Variants in TRPM3 observed in about 807,000 individuals in gnomAD.
TRPM3 encodes the protein long transient receptor potential channel 3.
TRPM3 carries 77 observed loss-of-function variants against 181.2 expected under a neutral mutation model. The observed-to-expected ratio is 0.42, with a 90% confidence interval of 0.35 to 0.51. TRPM3 has a LOEUF of 0.51. Ranked by LOEUF, TRPM3 falls within the 20% of genes least tolerant of loss-of-function variation. TRPM3 has a pLI of 0.01. For missense variants in TRPM3, 1,759 were observed against 2,196.7 expected (o/e 0.80, Z 3.98); for synonymous variants, 745 against 796.4 (o/e 0.94, Z 1.09).
At chr9:71,174,933 T>G (rs974130905) in intron 1 of TRPM3, among the ~76,000 whole-genome samples, 1 of 152,056 alleles carries the variant, frequency 6.6e-6, no homozygotes, top group Non-Finnish European at 1.5e-5. Flanking sequence ...TCTTTAAAAG[T>G]AGAAGAGGAG....
intron 1 of TRPM3, among the ~76,000 whole-genome samples, chr9:71,093,687 C>T (rs903541770): frequency 6.6e-6 from 1 of 152,060 alleles, no homozygotes; most frequent in Non-Finnish European, 1.5e-5. Flanking sequence ...GGCGATTCCT[C>T]GAGGATCTAG....
intron 1 of TRPM3, among the ~76,000 whole-genome samples, chr9:71,406,741 T>C (rs574345792): frequency 6.6e-5 from 10 of 152,270 alleles, no homozygotes; most frequent in Non-Finnish European, 1.3e-4. Context: ...GCAGTTTCCA[T>C]TGGATTAGGA....
intron 1 of TRPM3, among the ~76,000 whole-genome samples, chr9:70,986,785 G>T (rs2097426322): frequency 6.6e-6 from 1 of 152,040 alleles, no homozygotes; most frequent in East Asian, 1.9e-4. Flanking sequence ...TTAGATCTCT[G>T]GTATCAGAAA....
intron 3 of TRPM3, among the ~76,000 whole-genome samples, chr9:70,855,062 G>T (rs1306473212): frequency 6.6e-6 from 1 of 152,192 alleles, no homozygotes; most frequent in Non-Finnish European, 1.5e-5. Flanking sequence ...GGTGCTAAAG[G>T]TCTTTTTGCT....
intron 1 of TRPM3, among the ~76,000 whole-genome samples, chr9:71,242,263 G>A (rs1347349789): frequency 6.6e-6 from 1 of 152,164 alleles, no homozygotes; most frequent in African/African-American, 2.4e-5. Context: ...CGCAGATGTG[G>A]TTTCTTCACT....
At chr9:71,282,332 GAGAGAAAGAAAGAAAAGAAAGAAAGA>G (rs1319863141) in intron 1 of TRPM3, among the ~76,000 whole-genome samples, 2 of 102,344 alleles carry the variant, frequency 2.0e-5, no homozygotes, top group African/African-American at 9.9e-5. Context: ...AGGAAAGAAA[GAGAGAAAGAAAGAAAAGAAAGAAAGA>G]AAAAGAAAGA....
intron 1 of TRPM3, among the ~76,000 whole-genome samples, chr9:70,937,795 T>C (rs2096843518): frequency 1.3e-5 from 2 of 150,782 alleles, no homozygotes; most frequent in South Asian, 4.2e-4. Flanking sequence ...ATGACACTCA[T>C]AGTCCTGTGT....
chr9:71,138,169 T>A (rs371562760), intron 1 of TRPM3, among the ~76,000 whole-genome samples: 1 of 151,998 alleles, frequency 6.6e-6, no homozygotes, highest in Non-Finnish European at 1.5e-5. Context: ...GAGGAAGTAT[T>A]AGAAATCAAG....
intron 8 of TRPM3, among the ~76,000 whole-genome samples, chr9:70,697,044 C>G (rs1387720706): frequency 6.6e-6 from 1 of 151,992 alleles, no homozygotes; most frequent in African/African-American, 2.4e-5. Flanking sequence ...TTTCTAGGGC[C>G]ACTCGAGAAG....
intron 1 of TRPM3, among the ~76,000 whole-genome samples, chr9:71,334,386 G>A (rs1338711967): frequency 1.3e-5 from 2 of 151,770 alleles, no homozygotes; most frequent in African/African-American, 4.8e-5. Context: ...GTTGCAAACC[G>A]CTAGGAAAAA....
At chr9:71,044,658 A>G (rs540190406) in intron 1 of TRPM3, among the ~76,000 whole-genome samples, 6 of 152,242 alleles carry the variant, frequency 3.9e-5, no homozygotes, top group Middle Eastern at 3.4e-3. Flanking sequence ...TGTGACTCCA[A>G]ACTTCCTTTC....
intron 1 of TRPM3, among the ~76,000 whole-genome samples, chr9:70,887,747 T>C (rs1177186871): frequency 1.3e-5 from 2 of 152,204 alleles, no homozygotes; most frequent in African/African-American, 4.8e-5. Flanking sequence ...TACCATCTCA[T>C]TTCTTTACCA....
chr9:71,367,660 A>C (rs1425029673), intron 1 of TRPM3, among the ~76,000 whole-genome samples: 1 of 152,168 alleles, frequency 6.6e-6, no homozygotes, highest in Non-Finnish European at 1.5e-5. Flanking sequence ...GCTCATCGAA[A>C]CCATCAAATA....
intron 5 of TRPM3, among the ~76,000 whole-genome samples, chr9:70,841,240 AC>A (rs2094605939): frequency 6.6e-6 from 1 of 152,130 alleles, no homozygotes; most frequent in Admixed American, 6.6e-5. Context: ...AGTAACACTT[AC>A]TTTTCCAGTC....
At chr9:71,273,056 G>A (rs1445579163) in intron 1 of TRPM3, among the ~76,000 whole-genome samples, 1 of 151,986 alleles carries the variant, frequency 6.6e-6, no homozygotes, top group Admixed American at 6.6e-5. Flanking sequence ...TGTATTTTTA[G>A]TGGAGATGGG....
intron 1 of TRPM3, among the ~76,000 whole-genome samples, chr9:71,202,351 T>C (rs1183900875): frequency 1.3e-5 from 2 of 152,122 alleles, no homozygotes; most frequent in African/African-American, 4.8e-5. Context: ...GAACCACTGC[T>C]CTCTTCAAAG....
chr9:70,645,655 A>T (rs1410614601), intron 9 of TRPM3, among the ~76,000 whole-genome samples: 1 of 152,182 alleles, frequency 6.6e-6, no homozygotes, highest in Non-Finnish European at 1.5e-5. Context: ...ATGGGCAAAG[A>T]CTTCCTGACT....
chr9:70,916,948 G>T, intron 1 of TRPM3: 1 of 1,320,716 alleles, frequency 7.6e-7, no homozygotes, highest in Non-Finnish European at 1.1e-6. Flanking sequence ...ACTGCAAATT[G>T]GCTTAGGCTT....
chr9:71,077,834 T>C (rs1470698006), intron 1 of TRPM3, among the ~76,000 whole-genome samples: 3 of 152,098 alleles, frequency 2.0e-5, no homozygotes, highest in Non-Finnish European at 2.9e-5. Context: ...CTAGATTCTA[T>C]GTAAATCAGT....
Sources: gnomAD v4.1 joint callset for allele counts (sites outside exome capture counted in the v4.1 genomes callset) on GRCh38, gnomAD v4.1.1 for gene constraint, MANE v1.5 for transcripts, NCBI Gene and HGNC (gene_info 2026-07-23, HGNC 2026-07-21) for gene names.